The following AKAP13 variants were observed in gnomAD, a reference collection of about 807,000 sequenced individuals.
The protein encoded by AKAP13 is A-kinase anchor protein 13.
In AKAP13, 80 loss-of-function variants were observed where a neutral mutation model predicts 264.5. The observed-to-expected ratio is 0.30, with a 90% CI of 0.25 to 0.36. The LOEUF (loss-of-function observed/expected upper bound fraction) is 0.36, where lower values mean the gene tolerates loss of function less well. Ranked by LOEUF, AKAP13 falls within the 10% of genes least tolerant of loss-of-function variation. The probability of loss-of-function intolerance (pLI) is 1.00; values close to 1 mark genes in which losing one functional copy is unlikely to be tolerated. For missense variants in AKAP13, 3,712 were observed against 3,435.2 expected (o/e 1.08, Z -2.01); for synonymous variants, 1,380 against 1,250.2 (o/e 1.10, Z -2.19).
At chr15:85,623,250 T>C (rs1449246915) in intron 8 of AKAP13, among the ~76,000 whole-genome samples, 2 of 152,192 alleles carry the variant, frequency 1.3e-5, no homozygotes, top group African/African-American at 2.4e-5. Flanking sequence ...ATCTAAACAC[T>C]CAAAACAACG....
intron 3 of AKAP13, among the ~76,000 whole-genome samples, chr15:85,526,451 G>A (rs564842601): frequency 1.3e-5 from 2 of 152,048 alleles, no homozygotes; most frequent in South Asian, 4.2e-4. Context: ...ACGTGTGTGT[G>A]TGTGTAGATG....
rs554934002 is a variant in AKAP13, at chr15:85,540,646, C to G, written c.479-3126C>G. The stretch of plus-strand genomic sequence containing the variant: ...AAATGATTGAGCTCTGCAGTTTAAA[C>G]ACAAAAGGAAGAAAGCAGTGATGGA... On this transcript the variant is annotated intron_variant, in intron 4 of 36. Coordinates refer to ENST00000394518, the MANE Select transcript of AKAP13 (RefSeq NM_007200.5). Among the ~76,000 whole-genome samples, 7 of 152,304 alleles carry G rather than the reference C, an allele frequency of 4.6e-5. No homozygotes were observed. The South Asian group carries it at 1.4e-3, about 32-fold the overall frequency.
intron 1 of AKAP13, among the ~76,000 whole-genome samples, chr15:85,434,921 C>T (rs2073204443): frequency 6.6e-6 from 1 of 151,180 alleles, no homozygotes; most frequent in Non-Finnish European, 1.5e-5. Flanking sequence ...CGCCTCTCCT[C>T]CTCCAAAGGA....
At chr15:85,614,560 C>G (rs182363770) in intron 8 of AKAP13, among the ~76,000 whole-genome samples, 30 of 152,250 alleles carry the variant, frequency 2.0e-4, no homozygotes, top group Admixed American at 1.7e-3. Context: ...TTTTTCTGTC[C>G]TTTAGCATTT....
intron 10 of AKAP13, among the ~76,000 whole-genome samples, chr15:85,647,890 T>G (rs1010090745): frequency 3.3e-5 from 5 of 152,014 alleles, no homozygotes; most frequent in African/African-American, 1.2e-4. Context: ...ATTGTGCCAC[T>G]GCACTCCAGC....
chr15:85,631,529 CACACACACACACACACA>C (rs2151449149), intron 8 of AKAP13, among the ~76,000 whole-genome samples: 1 of 151,364 alleles, frequency 6.6e-6, no homozygotes, highest in East Asian at 1.9e-4. Flanking sequence ...CACACACACA[CACACACACACACACACA>C]CACACACTAA....
chr15:85,628,982 T>C (rs1474082830), intron 8 of AKAP13, among the ~76,000 whole-genome samples: 1 of 152,078 alleles, frequency 6.6e-6, no homozygotes, highest in East Asian at 1.9e-4. Context: ...TGCTTGAGGC[T>C]TGGAGTTCAA....
At chr15:85,466,123 A>C (rs1044020632) in intron 1 of AKAP13, among the ~76,000 whole-genome samples, 6 of 151,802 alleles carry the variant, frequency 4.0e-5, no homozygotes, top group African/African-American at 1.2e-4. Flanking sequence ...GCATTTTTTC[A>C]TGTGTTTTTT....
chr15:85,738,480 A>G (rs982769233), intron 33 of AKAP13, among the ~76,000 whole-genome samples: 2 of 152,142 alleles, frequency 1.3e-5, no homozygotes, highest in Non-Finnish European at 2.9e-5. Context: ...TTTTAAATGT[A>G]TTATAAAAGG....
At chr15:85,468,612 T>C (rs1424849925) in intron 1 of AKAP13, among the ~76,000 whole-genome samples, 1 of 152,210 alleles carries the variant, frequency 6.6e-6, no homozygotes, top group Non-Finnish European at 1.5e-5. Flanking sequence ...TTGTTCTTTA[T>C]CCAAGCAAAG....
At chr15:85,563,458 G>A (rs2078487871) in intron 5 of AKAP13, among the ~76,000 whole-genome samples, 1 of 149,734 alleles carries the variant, frequency 6.7e-6, no homozygotes, top group Admixed American at 6.7e-5. Flanking sequence ...GGTGGACTTT[G>A]GAACTTTTTA....
chr15:85,675,874 C>A (rs1379551511), intron 14 of AKAP13, among the ~76,000 whole-genome samples: 1 of 151,556 alleles, frequency 6.6e-6, no homozygotes, highest in East Asian at 1.9e-4. Context: ...TCAGGCTGAC[C>A]ATAGTGAGAA....
At chr15:85,527,100 C>T (rs963611769) in intron 3 of AKAP13, among the ~76,000 whole-genome samples, 7 of 151,880 alleles carry the variant, frequency 4.6e-5, no homozygotes, top group South Asian at 4.1e-4. Flanking sequence ...GTAGCTGGGA[C>T]TACAGGCGCC....
At chr15:85,512,766 C>T (rs2076474405) in intron 2 of AKAP13, among the ~76,000 whole-genome samples, 1 of 152,174 alleles carries the variant, frequency 6.6e-6, no homozygotes, top group South Asian at 2.1e-4. Flanking sequence ...TGTGCTGACT[C>T]ATCTTCCTTT....
At chr15:85,721,229 A>G (rs1049718205) in intron 23 of AKAP13, among the ~76,000 whole-genome samples, 2 of 152,170 alleles carry the variant, frequency 1.3e-5, no homozygotes, top group African/African-American at 4.8e-5. Flanking sequence ...GGTAGGATCA[A>G]CCTTTGGGGC....
chr15:85,645,990 G>T, intron 10 of AKAP13, 36 bp downstream of exon 10: 1 of 1,598,382 alleles, frequency 6.3e-7, no homozygotes, highest in South Asian at 1.1e-5. Flanking sequence ...TTTGTCACAC[G>T]GCTTTTGTGT....
At chr15:85,620,807 G>A (rs1189516517) in intron 8 of AKAP13, among the ~76,000 whole-genome samples, 1 of 152,136 alleles carries the variant, frequency 6.6e-6, no homozygotes, top group Non-Finnish European at 1.5e-5. Context: ...AGTGATGTTT[G>A]GTGTCTAAGC....
intron 36 of AKAP13, 181 bp downstream of exon 36, chr15:85,744,006 C>G (rs1289204770): frequency 1.5e-6 from 1 of 686,482 alleles, no homozygotes; most frequent in Non-Finnish European, 2.4e-6. Flanking sequence ...CATTAAGAAC[C>G]CACTCTGTGT....
intron 1 of AKAP13, among the ~76,000 whole-genome samples, chr15:85,393,523 G>GA (rs2070967056): frequency 6.6e-6 from 1 of 152,224 alleles, no homozygotes; most frequent in African/African-American, 2.4e-5. Context: ...GTCCAGTCTA[G>GA]AGAGGTTTTT....
Sources: gnomAD v4.1 joint callset for allele counts (sites outside exome capture counted in the v4.1 genomes callset) on GRCh38, gnomAD v4.1.1 for gene constraint, MANE v1.5 for transcripts, NCBI Gene and HGNC (gene_info 2026-07-23, HGNC 2026-07-21) for gene names.